VWA5B1: variants seen among roughly 807,000 people sequenced by gnomAD.
VWA5B1 encodes the protein von Willebrand factor A domain-containing protein 5B1.
Under a neutral mutation model 118.2 loss-of-function variants are expected in VWA5B1, and 115 were observed. That is an observed-to-expected ratio of 0.97 (90% CI 0.84 to 1.14). The LOEUF (loss-of-function observed/expected upper bound fraction) is 1.14, where lower values mean the gene tolerates loss of function less well. Ranked by LOEUF, VWA5B1 falls within the 50% of genes most tolerant of loss-of-function variation. VWA5B1 has a pLI of 0.00. For missense variants in VWA5B1, 1,596 were observed against 1,603.8 expected (o/e 1.00, Z 0.08); for synonymous variants, 682 against 658.4 (o/e 1.04, Z -0.55).
In VWA5B1 at chr1:20,353,894, G is replaced by T; in HGVS notation, c.3279G>T (p.Glu1093Asp). 6.5e-7 allele frequency: 1 copy of T among 1,548,186 alleles called. No individual in the cohort carries two copies. Among genetic ancestry groups the T allele is most frequent in the Non-Finnish European group, 8.7e-7 (1 of 1,144,934 alleles). ...HRVSLTTRPSESKTPSPQLCT... is the reference protein window; with the variant it reads ...HRVSLTTRPSDSKTPSPQLCT... Reference sequence around the variant, plus strand: ...TGTCCCTCACCACCCGCCCGTCTGAGTCCAAGACCCCGAGTCCCCAGCTGT... The same window carrying T: ...TGTCCCTCACCACCCGCCCGTCTGATTCCAAGACCCCGAGTCCCCAGCTGT... Residue 1093 changes from glutamate (E) to aspartate (D), a missense_variant, in exon 22 of 22, where the codon GAG becomes GAT. Coordinates refer to ENST00000289815, the MANE Select transcript of VWA5B1 (RefSeq NM_001039500.3).
At chr1:20,291,498 C>T (rs2088304910) in intron 1 of VWA5B1, among the ~76,000 whole-genome samples, 1 of 149,996 alleles carries the variant, frequency 6.7e-6, no homozygotes, top group Non-Finnish European at 1.5e-5. Flanking sequence ...TCTGCGTCTC[C>T]TTCTCTCTGT....
intron 1 of VWA5B1, among the ~76,000 whole-genome samples, chr1:20,307,657 G>A (rs1570070388): frequency 1.3e-5 from 2 of 152,120 alleles, no homozygotes; most frequent in East Asian, 3.9e-4. Context: ...TCCTTGCCAT[G>A]TGGGCTGGGT....
At chr1:20,299,225 C>A (rs79113564) in intron 1 of VWA5B1, among the ~76,000 whole-genome samples, 3,996 of 152,144 alleles carry the variant, frequency 0.026, 150 homozygotes, top group African/African-American at 0.09. Flanking sequence ...CTAAATGCAG[C>A]CTCTCCAACT....
chr1:20,347,829 C>A (rs368676389), intron 17 of VWA5B1, among the ~76,000 whole-genome samples: 14 of 151,996 alleles, frequency 9.2e-5, no homozygotes, highest in Non-Finnish European at 1.5e-5. Context: ...ATTTCAGGGG[C>A]CTGCCCTGTG....
chr1:20,332,658 T>C (rs867471784), intron 11 of VWA5B1, 108 bp from the exon 12 acceptor site: 2 of 1,216,872 alleles, frequency 1.6e-6, no homozygotes, highest in Middle Eastern at 2.0e-4. Context: ...CAAGGCCTAC[T>C]GTCCCCTCTT....
At chr1:20,337,028 G>A (rs1452948030) in intron 13 of VWA5B1, among the ~76,000 whole-genome samples, 2 of 152,132 alleles carry the variant, frequency 1.3e-5, no homozygotes, top group Admixed American at 6.6e-5. Context: ...GTTCCAGGCA[G>A]CAGAAACTGC....
Position 20,337,817 on chromosome 1 carries a change from G to C in VWA5B1, c.2114G>C (p.Arg705Pro), listed in dbSNP as rs371383279. Reference protein sequence around the residue: ...LTNQTSLDVQRWQIDLQPLLN... With the variant: ...LTNQTSLDVQPWQIDLQPLLN... ...AACCAGACCAGCCTGGATGTCCAGC[G>C]GTGGCAGATTGATTTGCAGGTACCC... Residue 705 changes from arginine (R) to proline (P), a missense_variant, in exon 14 of 22, where the codon CGG (arginine) becomes CCG (proline). Transcript: ENST00000289815. 2 of 1,551,622 alleles carry C rather than the reference G, an allele frequency of 1.3e-6. No homozygotes were observed. Among genetic ancestry groups the C allele is most frequent in the Non-Finnish European group, 1.7e-6 (2 of 1,147,014 alleles).
Position 20,353,929 on chromosome 1 carries a change from C to T in VWA5B1, c.3314C>T (p.Ser1105Phe), listed in dbSNP as rs992190309. Residue 1105 changes from serine to phenylalanine, a missense_variant, in exon 22 of 22, where the codon TCC becomes TTC. Ser to Phe is a radical substitution (Grantham distance 155). Transcript: ENST00000289815. Reference sequence around the variant, plus strand: ...CCGAGTCCCCAGCTGTGCACCAGCTCCCCGCCTAGGCACCCGTCCTGTGAC... The same window carrying T: ...CCGAGTCCCCAGCTGTGCACCAGCTTCCCGCCTAGGCACCCGTCCTGTGAC... ...KTPSPQLCTSSPPRHPSCDSF... is the reference protein window; with the variant it reads ...KTPSPQLCTSFPPRHPSCDSF... 7.1e-6 allele frequency: 11 copies of T among 1,549,962 alleles called. No individual in the cohort carries two copies. In the Admixed American group the frequency reaches 1.6e-4, roughly 22 times the overall value.
intron 4 of VWA5B1, among the ~76,000 whole-genome samples, chr1:20,316,952 T>C (rs1175570861): frequency 1.3e-5 from 2 of 151,708 alleles, no homozygotes; most frequent in Non-Finnish European, 2.9e-5. Flanking sequence ...GGTCAGGAGA[T>C]TGAGACCATC....
intron 20 of VWA5B1, among the ~76,000 whole-genome samples, chr1:20,351,524 T>A (rs2090129944): frequency 6.6e-6 from 1 of 152,064 alleles, no homozygotes; most frequent in Non-Finnish European, 1.5e-5. Context: ...TGGTCGCATG[T>A]GCCTGTAGTC....
chr1:20,314,331 T>C lies in VWA5B1; in HGVS notation c.302T>C (p.Leu101Pro). The part of the protein sequence containing the change: ...VRSPTVTGNI[L>P]QDGVSIAPHS... ...CCAGCCTGGCACTTAGGGAACATTC[T>C]GCAAGACGGGGTTTCCATAGCCCCT... Residue 101 changes from leucine (L) to proline (P), a missense_variant, in exon 4 of 22, where the codon CTG becomes CCG. Leu to Pro is a moderately conservative substitution (Grantham distance 98). Coordinates refer to ENST00000289815, the MANE Select transcript of VWA5B1 (RefSeq NM_001039500.3). 6.4e-7 allele frequency: 1 copy of C among 1,551,850 alleles called. No homozygotes were observed. Among genetic ancestry groups the C allele is most frequent in the Middle Eastern group, 1.7e-4 (1 of 5,992 alleles).
rs1353588373 is a variant in VWA5B1, at chr1:20,354,114, G to A, written c.3499G>A (p.Ala1167Thr). 12 of 1,551,344 alleles carry A rather than the reference G, an allele frequency of 7.7e-6. No individual in the cohort carries two copies. The highest frequency in any genetic ancestry group is 2.4e-5 in the East Asian group (1 of 40,920). The part of the protein sequence containing the change: ...FTEWELVAAK[A>T]NSWLEQQEVP... ...TGAGTGGGAGTTGGTGGCTGCCAAG[G>A]CCAACTCATGGCTGGAGCAGCAGGA... The change falls in exon 22 of 22, where the codon GCC becomes ACC. Residue 1167 changes from alanine to threonine, a missense_variant. By Grantham distance (58) the Ala-to-Thr change is moderately conservative (BLOSUM62 0). Coordinates refer to ENST00000289815, the MANE Select transcript of VWA5B1 (RefSeq NM_001039500.3).
rs2090100674 is a variant in VWA5B1 at position 20,350,226 on chromosome 1, T to C, written c.2949T>C (p.Ser983=). ...CCGGCCGCGAGAAGCACGGTGCTTC[T>C]GAAGGTGAGTGGGCAGGTGGCGCTG... The part of the protein sequence containing the change: ...RSPGREKHGA[S]EGPQRSLATN... The change falls in exon 19 of 22, where the codon TCT becomes TCC. Residue 983 remains serine, a synonymous_variant. Coordinates refer to ENST00000289815, the MANE Select transcript of VWA5B1 (RefSeq NM_001039500.3). The C allele has an allele frequency of 1.3e-6, 2 of 1,550,968 alleles. No individual in the cohort carries two copies. The highest frequency in any genetic ancestry group is 2.4e-5 in the East Asian group (1 of 40,944).
chr1:20,354,560 C>A lies in VWA5B1; in HGVS notation c.*297C>A. On this transcript the variant is annotated 3_prime_UTR_variant, in exon 22 of 22. Transcript: ENST00000289815. ...AAATGGTTCAGTGGTTCCTTTCTGCCCATTCAGGCAGTCCCGGGCTGACTG... is the reference window on the plus strand; with the variant it reads ...AAATGGTTCAGTGGTTCCTTTCTGCACATTCAGGCAGTCCCGGGCTGACTG... 2.5e-6 allele frequency: 1 copy of A among 401,036 alleles called. No individual in the cohort carries two copies. Among genetic ancestry groups the A allele is most frequent in the Non-Finnish European group, 4.5e-6 (1 of 220,498 alleles). 24.8% of individuals were successfully genotyped at this position (401,036 alleles called of 1,614,324 possible). A position where few individuals can be genotyped will look rare whatever the true frequency, so the allele number is the denominator to read the frequency against.
intron 16 of VWA5B1, 108 bp downstream of exon 16, chr1:20,343,501 G>T: frequency 7.6e-7 from 1 of 1,309,714 alleles, no homozygotes; most frequent in African/African-American, 2.7e-5. Context: ...TCTCAGCCCC[G>T]CGTGGTCCGC....
At chr1:20,314,258 C>A in intron 3 of VWA5B1, 64 bp from the exon 4 acceptor site, 1 of 1,496,770 alleles carries the variant, frequency 6.7e-7, no homozygotes, top group Non-Finnish European at 9.0e-7. Context: ...CTTACCACAA[C>A]AGCAATCTTA....
Position 20,319,322 on chromosome 1 carries a change from C to T in VWA5B1, c.842-60C>T. The T allele has an allele frequency of 3.2e-6, 5 of 1,543,076 alleles. No individual in the cohort carries two copies. The East Asian group carries it at 1.2e-4, about 38-fold the overall frequency. On this transcript the variant is annotated intron_variant, in intron 6 of 21. Coordinates refer to ENST00000289815, the MANE Select transcript of VWA5B1 (RefSeq NM_001039500.3). ...AGAATCTTGCACCTAAACCAAAGCC[C>T]CCAGCATCCTTCTCCTACGATACCT... is the stretch of plus-strand genomic sequence containing the variant.
intron 1 of VWA5B1, among the ~76,000 whole-genome samples, chr1:20,309,708 G>C (rs76510657): frequency 6.6e-6 from 1 of 152,174 alleles, no homozygotes; most frequent in Non-Finnish European, 1.5e-5. Flanking sequence ...TCCAGTTTAT[G>C]TGTCCAGAAT....
intron 8 of VWA5B1, among the ~76,000 whole-genome samples, chr1:20,324,752 T>A (rs1187748196): frequency 6.6e-6 from 1 of 152,042 alleles, no homozygotes; most frequent in African/African-American, 2.4e-5. Flanking sequence ...ATGCCAGGTA[T>A]CTCCATGGGT....
Sources: gnomAD v4.1 joint callset for allele counts (sites outside exome capture counted in the v4.1 genomes callset) on GRCh38, gnomAD v4.1.1 for gene constraint, MANE v1.5 for transcripts, NCBI Gene and HGNC (gene_info 2026-07-23, HGNC 2026-07-21) for gene names.